The following BCOR variants were observed in gnomAD, a reference collection of about 807,000 sequenced individuals.
The protein encoded by BCOR is BCL6 corepressor, also known as BCL-6 corepressor.
In BCOR, 10 loss-of-function variants were observed where a neutral mutation model predicts 86.7. That is an observed-to-expected ratio of 0.12 (90% confidence interval 0.07 to 0.20). The LOEUF is 0.20. Among genes scored for constraint, BCOR ranks in the 10% least tolerant of loss-of-function variants. The pLI is 1.00. For synonymous variants in BCOR, 611 were observed against 609.0 expected, an observed-to-expected ratio of 1.00 and a Z score of -0.05; for missense variants, 1,259 against 1,452.1, an observed-to-expected ratio of 0.87 and a Z score of 2.16.
chrX:40,090,639 C>T (rs1936567667), intron 1 of BCOR, among the ~76,000 whole-genome samples: 1 of 112,250 alleles, frequency 8.9e-6, no homozygotes. Flanking sequence ...AGCCTGGGAC[C>T]GCAGCGTCCG....
intron 1 of BCOR, among the ~76,000 whole-genome samples, chrX:40,135,929 T>C (rs1190883533): frequency 8.9e-6 from 1 of 112,252 alleles, no homozygotes. Context: ...TAGAGATACA[T>C]AGTTTTGGTT....
At chrX:40,175,246 G>A (rs1362204559) in intron 1 of BCOR, among the ~76,000 whole-genome samples, 1 of 113,557 alleles carries the variant, frequency 8.8e-6, no homozygotes, top group African/African-American at 3.2e-5. Flanking sequence ...GGAGGCAAAA[G>A]GGGCAGATGG....
chrX:40,148,739 G>GT (rs1209046669), intron 1 of BCOR, among the ~76,000 whole-genome samples: 19 of 111,388 alleles, frequency 1.7e-4, no homozygotes, highest in Non-Finnish European at 3.2e-4. Flanking sequence ...CACCAGCGCT[G>GT]TGAGGGAAGT....
chrX:40,090,409 C>T (rs1936550523), intron 1 of BCOR, among the ~76,000 whole-genome samples: 1 of 113,066 alleles, frequency 8.8e-6, no homozygotes, highest in Non-Finnish European at 1.9e-5. Context: ...CCTTGGCGAA[C>T]GGGCAGGGTT....
Position 40,075,248 on chromosome X carries a change from C to T in BCOR, c.166-68G>A, listed in dbSNP as rs767239942. ...AAGGCAGCAGCACCCAAAGACACTG[C>T]CAACTAGTTCAACATGCCATCAGCC... On this transcript the variant is annotated intron_variant, in intron 3 of 14. Coordinates refer to ENST00000378444, the MANE Select transcript of BCOR (RefSeq NM_001123385.2). 2.3e-4 allele frequency: 229 copies of T among 976,084 alleles called. 1 individual carries two copies. Among genetic ancestry groups the T allele is most frequent in the Non-Finnish European group, 3.1e-4 (223 of 713,769 alleles). The allele number at this position is 976,084 out of a possible 1,213,427, so 80.4% of individuals were successfully genotyped here. A position where few individuals can be genotyped will look rare whatever the true frequency, so the allele number is the denominator to read the frequency against.
At position 40,072,723 on chromosome X, in the gene BCOR, C is replaced by T. The variant is rs1405059989; in HGVS notation, c.2623G>A (p.Val875Ile). ...FHETYTFKQP[V>I]FTVSKDSVLA... Reference sequence around the variant, plus strand: ...ACACTGTCCTTGCTTACGGTGAAGACTGGCTGTTTGAAAGTATAAGTTTCG... The same window carrying T: ...ACACTGTCCTTGCTTACGGTGAAGATTGGCTGTTTGAAAGTATAAGTTTCG... The change falls in exon 4 of 15, where the codon GTC becomes ATC. Residue 875 changes from valine to isoleucine, a missense_variant. Val to Ile is a conservative substitution (Grantham distance 29). Coordinates refer to ENST00000378444, the MANE Select transcript of BCOR (RefSeq NM_001123385.2). 2 of 1,211,905 alleles carry T rather than the reference C, an allele frequency of 1.7e-6. No individual in the cohort carries two copies. Among genetic ancestry groups the T allele is most frequent in the South Asian group, 3.5e-5 (2 of 56,996 alleles).
intron 9 of BCOR, 128 bp downstream of exon 9, chrX:40,062,618 C>T: frequency 3.9e-6 from 3 of 766,313 alleles, no homozygotes; most frequent in Non-Finnish European, 5.8e-6. Context: ...TCCTCTAGGA[C>T]AGGGGAGTGA....
chrX:40,133,160 T>G (rs1462193725), intron 1 of BCOR, among the ~76,000 whole-genome samples: 2 of 102,137 alleles, frequency 2.0e-5, no homozygotes, highest in African/African-American at 3.6e-5. Flanking sequence ...TTTTTTGAGA[T>G]GGAGTCTCGC....
intron 1 of BCOR, among the ~76,000 whole-genome samples, chrX:40,155,758 A>C (rs1049566759): frequency 1.8e-5 from 2 of 112,491 alleles, no homozygotes; most frequent in African/African-American, 6.5e-5. Context: ...TGCCAGTGAT[A>C]ATGTGCGATC....
At chrX:40,140,487 C>A (rs777876941) in intron 1 of BCOR, among the ~76,000 whole-genome samples, 67 of 110,939 alleles carry the variant, frequency 6.0e-4, no homozygotes, top group Non-Finnish European at 9.8e-4. Context: ...AACAAACAAA[C>A]AAAAAAACCA....
chrX:40,111,705 G>T (rs898365492), intron 1 of BCOR, among the ~76,000 whole-genome samples: 3 of 112,105 alleles, frequency 2.7e-5, no homozygotes, highest in African/African-American at 9.7e-5. Flanking sequence ...GGGGAATATA[G>T]ACACATATTT....
intron 1 of BCOR, among the ~76,000 whole-genome samples, chrX:40,096,840 T>TC (rs988781516): frequency 1.7e-4 from 8 of 48,127 alleles, no homozygotes; most frequent in African/African-American, 3.9e-4. Flanking sequence ...CCAGCCCACC[T>TC]CCCCCCCCTC....
chrX:40,082,736 G>A (rs921168349), intron 1 of BCOR, among the ~76,000 whole-genome samples: 1 of 112,191 alleles, frequency 8.9e-6, no homozygotes, highest in Admixed American at 9.4e-5. Flanking sequence ...ATTTGGCACT[G>A]TGTTTTCCAA....
rs1738838548 is a variant in BCOR, at chrX:40,093,565, C to CG, written c.-41+3649dup. ...TTAGCCATATATATACACACACAAA[C>CG]GATGGATCTCACAACACATCAGTGT... On this transcript the variant is annotated intron_variant, in intron 1 of 14. Coordinates refer to ENST00000378444, the MANE Select transcript of BCOR (RefSeq NM_001123385.2). 8.9e-5 allele frequency among the ~76,000 whole-genome samples: 10 copies of CG among 112,319 alleles called. No individual in the cohort carries two copies. The South Asian group carries it at 3.7e-3, about 42-fold the overall frequency.
chrX:40,099,252 G>A (rs1937024734), upstream of BCOR, among the ~76,000 whole-genome samples: 1 of 112,393 alleles, frequency 8.9e-6, no homozygotes, highest in Admixed American at 9.3e-5. Flanking sequence ...GGGAAGCGGA[G>A]AAGCGAGGTT....
intron 1 of BCOR, among the ~76,000 whole-genome samples, chrX:40,090,895 C>G (rs1936580323): frequency 8.9e-6 from 1 of 111,863 alleles, no homozygotes; most frequent in Non-Finnish European, 1.9e-5. Flanking sequence ...TGCTGGAAGA[C>G]CCCTATAACC....
At chrX:40,103,539 G>T (rs1310047035) in intron 1 of BCOR, among the ~76,000 whole-genome samples, 1 of 110,699 alleles carries the variant, frequency 9.0e-6, no homozygotes, top group African/African-American at 3.3e-5. Context: ...GCCAAGCCCA[G>T]ATTTTGTTCT....
At chrX:40,122,547 G>T (rs1310928640) in intron 1 of BCOR, among the ~76,000 whole-genome samples, 1 of 112,095 alleles carries the variant, frequency 8.9e-6, no homozygotes, top group Non-Finnish European at 1.9e-5. Context: ...GCACGATCAG[G>T]TGGTTGGTTT....
In BCOR at chrX:40,075,166, C is replaced by T. The variant is rs918158091; in HGVS notation, c.180G>A (p.Thr60=). ...PLNHNVVDAS[T]AHRIDGLAAL... The stretch of plus-strand genomic sequence containing the variant: ...CTGCCAGGCCATCGATCCTATGGGC[C>T]GTGCTCGCATCCACCTTTGCAGAAG... Residue 60 remains threonine (T), a synonymous_variant, in exon 4 of 15, where the codon ACG becomes ACA. Transcript: ENST00000378444. 4 of 1,208,063 alleles carry T rather than the reference C, an allele frequency of 3.3e-6. No individual in the cohort carries two copies. Among genetic ancestry groups the T allele is most frequent in the Middle Eastern group, 2.3e-4 (1 of 4,331 alleles).
Sources: gnomAD v4.1 joint callset for allele counts (sites outside exome capture counted in the v4.1 genomes callset) on GRCh38, gnomAD v4.1.1 for gene constraint, MANE v1.5 for transcripts, NCBI Gene and HGNC (gene_info 2026-07-23, HGNC 2026-07-21) for gene names.